PTK2: variants seen among roughly 807,000 people sequenced by gnomAD.
PTK2 encodes protein tyrosine kinase 2.
Under a neutral mutation model 150.1 loss-of-function variants are expected in PTK2, and 45 were observed. The observed-to-expected ratio is 0.30, with a 90% confidence interval of 0.24 to 0.38. PTK2 has a LOEUF of 0.38. Among genes scored for constraint, PTK2 ranks in the 10% least tolerant of loss-of-function variants. The probability of loss-of-function intolerance (pLI) is 1.00; values close to 1 mark genes in which losing one functional copy is unlikely to be tolerated. For missense variants in PTK2, 919 were observed against 1,307.3 expected (o/e 0.70, Z 4.58); for synonymous variants, 432 against 449.2 (o/e 0.96, Z 0.48).
intron 29 of PTK2, among the ~76,000 whole-genome samples, chr8:140,670,671 C>T (rs28511276): frequency 0.019 from 2,905 of 152,030 alleles, 97 homozygotes; most frequent in African/African-American, 0.067. Context: ...AAGCTCAAGC[C>T]AGGGCGCTAT....
At position 140,752,410 on chromosome 8, in the gene PTK2, G is replaced by A. The variant is rs1239912864; in HGVS notation, c.1333-94C>T. 8 of 1,084,732 alleles carry A rather than the reference G, an allele frequency of 7.4e-6. No homozygotes were observed. In the East Asian group the frequency reaches 1.9e-4, roughly 26 times the overall value. 67.2% of individuals were successfully genotyped at this position (1,084,732 alleles called of 1,614,324 possible). On this transcript the variant is annotated intron_variant, in intron 16 of 31. Coordinates refer to ENST00000522684, the Ensembl canonical transcript of PTK2. Reference sequence around the variant, plus strand: ...AACCTGTCTGTTTTGCAACTATGTGGGTTATGGACCAGACAGAATCAGAAC... The same window carrying A: ...AACCTGTCTGTTTTGCAACTATGTGAGTTATGGACCAGACAGAATCAGAAC...
chr8:140,955,682 G>A (rs1375062), intron 1 of PTK2, among the ~76,000 whole-genome samples: 2 of 151,878 alleles, frequency 1.3e-5, no homozygotes, highest in African/African-American at 4.8e-5. Context: ...GGAAATGAAC[G>A]ATAAAAGATC....
intron 26 of PTK2, among the ~76,000 whole-genome samples, chr8:140,688,164 A>G (rs773331920): frequency 1.3e-5 from 2 of 152,216 alleles, no homozygotes; most frequent in African/African-American, 4.8e-5. Context: ...CAGCCCTGAC[A>G]GCAGTAGCAG....
chr8:140,691,863 T>C (rs1265618889), intron 26 of PTK2, among the ~76,000 whole-genome samples: 2 of 152,194 alleles, frequency 1.3e-5, no homozygotes, highest in Non-Finnish European at 2.9e-5. Flanking sequence ...AAGAGATATG[T>C]TATAGACGAG....
At chr8:140,979,400 A>G (rs563070167) in intron 1 of PTK2, among the ~76,000 whole-genome samples, 2 of 151,234 alleles carry the variant, frequency 1.3e-5, no homozygotes, top group African/African-American at 4.9e-5. Context: ...CTACAAGTCA[A>G]TTAAAAAAAA....
chr8:140,676,854 G>A (rs1007988004), intron 27 of PTK2, among the ~76,000 whole-genome samples: 2 of 145,356 alleles, frequency 1.4e-5, no homozygotes, highest in African/African-American at 5.2e-5. Flanking sequence ...CGGGAGAATT[G>A]CTTGAACCTG....
At chr8:140,921,320 C>T (rs1365573585) in intron 2 of PTK2, 1 of 188,652 alleles carries the variant, frequency 5.3e-6, no homozygotes, top group Non-Finnish European at 1.1e-5. Flanking sequence ...CCCTTCTGTT[C>T]AATTCATCCA....
Position 140,879,705 on chromosome 8 carries a change from A to G in PTK2, c.196-68T>C, listed in dbSNP as rs542827829. The G allele has an allele frequency of 7.6e-5, 85 of 1,119,814 alleles. No homozygotes were observed. In the African/African-American group the frequency reaches 1.3e-3, roughly 17 times the overall value. The allele number at this position is 1,119,814 out of a possible 1,614,324, so 69.4% of individuals were successfully genotyped here. ...AAAAAAAAAAAAAAAAAAAAAACCAAAACAAAACAAAAACAAAACAAAAAA... is the reference window on the plus strand; with the variant it reads ...AAAAAAAAAAAAAAAAAAAAAACCAGAACAAAACAAAAACAAAACAAAAAA... On this transcript the variant is annotated intron_variant, in intron 3 of 31. Transcript: ENST00000522684.
intron 1 of PTK2, among the ~76,000 whole-genome samples, chr8:140,987,099 T>C (rs1237733497): frequency 6.6e-6 from 1 of 152,006 alleles, no homozygotes; most frequent in East Asian, 1.9e-4. Flanking sequence ...GGGAGAAAAA[T>C]ATAGTATGTA....
intron 16 of PTK2, among the ~76,000 whole-genome samples, chr8:140,754,451 TA>T (rs912071118): frequency 3.9e-5 from 6 of 152,186 alleles, no homozygotes; most frequent in African/African-American, 1.4e-4. Context: ...TGGCTGCAAG[TA>T]ACAGGTATAC....
At chr8:140,987,410 A>G (rs1440541326) in intron 1 of PTK2, among the ~76,000 whole-genome samples, 1 of 152,148 alleles carries the variant, frequency 6.6e-6, no homozygotes, top group Admixed American at 6.5e-5. Context: ...CCAACTCTTG[A>G]CCTTAAGTGA....
chr8:140,787,084 A>C (rs2100085396), intron 14 of PTK2, among the ~76,000 whole-genome samples: 1 of 152,156 alleles, frequency 6.6e-6, no homozygotes, highest in African/African-American at 2.4e-5. Context: ...ATGATTACTA[A>C]AAGTTTCTGA....
intron 14 of PTK2, 157 bp from the exon 15 acceptor site, chr8:140,770,956 A>T (rs1034516807): frequency 1.4e-5 from 3 of 215,974 alleles, no homozygotes; most frequent in African/African-American, 7.0e-5. Flanking sequence ...TCTTACTATG[A>T]TTGACTTGAG....
intron 5 of PTK2, among the ~76,000 whole-genome samples, chr8:140,857,751 G>A (rs1598949377): frequency 1.3e-5 from 2 of 152,062 alleles, no homozygotes; most frequent in South Asian, 4.2e-4. Flanking sequence ...GTAGTAAGGC[G>A]GTGTCTTCAA....
exon 10 of PTK2, chr8:140,818,345 T>A: frequency 1.2e-6 from 2 of 1,613,804 alleles, no homozygotes; most frequent in Non-Finnish European, 1.7e-6. Context: ...ACTGAAATAA[T>A]CCAGCTTGAC....
At chr8:140,900,221 T>C (rs1021134173) in intron 2 of PTK2, among the ~76,000 whole-genome samples, 25 of 152,298 alleles carry the variant, frequency 1.6e-4, no homozygotes, top group African/African-American at 5.1e-4. Context: ...CTTTAAGAAC[T>C]GATAAATTCA....
At chr8:140,872,671 T>C (rs1429423518) in intron 4 of PTK2, among the ~76,000 whole-genome samples, 1 of 152,190 alleles carries the variant, frequency 6.6e-6, no homozygotes, top group African/African-American at 2.4e-5. Context: ...GAAGAGCTGG[T>C]GGCTACCCCT....
chr8:140,898,019 C>A (rs1182780663), intron 2 of PTK2, among the ~76,000 whole-genome samples: 1 of 152,138 alleles, frequency 6.6e-6, no homozygotes, highest in Admixed American at 6.5e-5. Context: ...GATTTTAAAA[C>A]CAAAAACTGT....
intron 27 of PTK2, among the ~76,000 whole-genome samples, chr8:140,680,590 C>A (rs770905502): frequency 6.6e-6 from 1 of 152,148 alleles, no homozygotes; most frequent in East Asian, 1.9e-4. Flanking sequence ...CACACTGGAA[C>A]ACAAAGAATT....
Sources: gnomAD v4.1 joint callset for allele counts (sites outside exome capture counted in the v4.1 genomes callset) on GRCh38, gnomAD v4.1.1 for gene constraint, MANE v1.5 for transcripts, NCBI Gene and HGNC (gene_info 2026-07-23, HGNC 2026-07-21) for gene names.